Variants in SPMIP2 observed in about 807,000 individuals in gnomAD.
SPMIP2 encodes the protein sperm microtubule inner protein 2, also known as protein SPMIP2.
At chr4:159,002,618 A>G in the SPMIP2 span, among the ~76,000 whole-genome samples, 149,661 of 152,312 alleles carry the variant, frequency 0.98, 73,575 homozygotes, top group East Asian at 1. Flanking sequence ...TCCATGACCC[A>G]TTTCAAGTCC....
the SPMIP2 span, among the ~76,000 whole-genome samples, chr4:158,913,944 CAAATA>C: frequency 6.6e-6 from 1 of 151,778 alleles, no homozygotes; most frequent in Non-Finnish European, 1.5e-5. Flanking sequence ...AACATAAAAG[CAAATA>C]AAATTAACAA....
the SPMIP2 span, among the ~76,000 whole-genome samples, chr4:158,972,613 A>T: frequency 1.3e-5 from 2 of 152,202 alleles, no homozygotes; most frequent in African/African-American, 2.4e-5. Flanking sequence ...AGGTTTCTAA[A>T]ACCCTCTGAC....
chr4:158,998,633 G>C, the SPMIP2 span, among the ~76,000 whole-genome samples: 1 of 152,026 alleles, frequency 6.6e-6, no homozygotes, highest in Non-Finnish European at 1.5e-5. Context: ...AGATTTGCCA[G>C]CACAATAAAA....
At chr4:159,017,192 TG>T in the SPMIP2 span, among the ~76,000 whole-genome samples, 4 of 152,094 alleles carry the variant, frequency 2.6e-5, no homozygotes, top group African/African-American at 9.7e-5. Context: ...GCAAAAACAG[TG>T]TACAATGATA....
At chr4:158,981,220 C>CTA in the SPMIP2 span, among the ~76,000 whole-genome samples, 1 of 152,156 alleles carries the variant, frequency 6.6e-6, no homozygotes. Flanking sequence ...AAGACCAAAC[C>CTA]TATGTTTGCT....
At chr4:158,910,458 A>C in the SPMIP2 span, among the ~76,000 whole-genome samples, 4 of 151,864 alleles carry the variant, frequency 2.6e-5, no homozygotes, top group Non-Finnish European at 4.4e-5. Context: ...TTTTTAGTAG[A>C]GACGGGGTTT....
the SPMIP2 span, chr4:158,937,606 A>T: frequency 3.3e-4 from 51 of 154,538 alleles, no homozygotes; most frequent in African/African-American, 1.2e-3. Flanking sequence ...AATTTGAGGC[A>T]CTTAGCAGCC....
At chr4:159,013,120 C>T in the SPMIP2 span, among the ~76,000 whole-genome samples, 2 of 152,046 alleles carry the variant, frequency 1.3e-5, no homozygotes, top group Non-Finnish European at 2.9e-5. Context: ...AAATGGGAAC[C>T]CTGTATGTTG....
the SPMIP2 span, among the ~76,000 whole-genome samples, chr4:159,011,404 A>G: frequency 1.3e-5 from 2 of 152,226 alleles, no homozygotes; most frequent in Admixed American, 1.3e-4. Flanking sequence ...ACTGAAAACA[A>G]CTATTACAAC....
chr4:158,912,056 T>C, the SPMIP2 span, among the ~76,000 whole-genome samples: 2 of 151,536 alleles, frequency 1.3e-5, no homozygotes, highest in African/African-American at 4.9e-5. Context: ...AAATAATGAA[T>C]GTATTATTGT....
At chr4:158,931,270 G>GAA in the SPMIP2 span, among the ~76,000 whole-genome samples, 2 of 151,860 alleles carry the variant, frequency 1.3e-5, no homozygotes, top group Non-Finnish European at 2.9e-5. Context: ...TTTATTTTTA[G>GAA]ATGTGGTCTC....
the SPMIP2 span, among the ~76,000 whole-genome samples, chr4:158,978,682 G>A: frequency 3.4e-4 from 52 of 152,150 alleles, no homozygotes; most frequent in African/African-American, 1.2e-3. Flanking sequence ...GCCCTTCTTT[G>A]TCTTTTTTGA....
the SPMIP2 span, among the ~76,000 whole-genome samples, chr4:158,911,221 G>A: frequency 1.3e-5 from 2 of 152,108 alleles, no homozygotes; most frequent in African/African-American, 4.8e-5. Context: ...TCATTCCAGT[G>A]CCTGTAATCC....
the SPMIP2 span, among the ~76,000 whole-genome samples, chr4:158,896,564 A>C: frequency 1.3e-5 from 2 of 152,264 alleles, no homozygotes; most frequent in South Asian, 2.1e-4. Context: ...AATATTTATA[A>C]TGTCGACGTT....
the SPMIP2 span, among the ~76,000 whole-genome samples, chr4:159,050,378 G>A: frequency 6.7e-6 from 1 of 149,758 alleles, no homozygotes; most frequent in African/African-American, 2.5e-5. Flanking sequence ...ATGATAGTGT[G>A]AGTATAATAT....
the SPMIP2 span, among the ~76,000 whole-genome samples, chr4:159,080,133 C>G: frequency 6.6e-6 from 1 of 152,130 alleles, no homozygotes; most frequent in Admixed American, 6.5e-5. Flanking sequence ...ACTGTACAGA[C>G]TTTTTCTCTC....
the SPMIP2 span, among the ~76,000 whole-genome samples, chr4:158,961,403 T>C: frequency 0.054 from 8,262 of 152,190 alleles, 748 homozygotes; most frequent in African/African-American, 0.19. Flanking sequence ...CTCTTCAATG[T>C]TCACACATAA....
the SPMIP2 span, among the ~76,000 whole-genome samples, chr4:159,000,459 A>G: frequency 1.3e-5 from 2 of 150,580 alleles, no homozygotes; most frequent in Non-Finnish European, 3.0e-5. Flanking sequence ...CGAATCATAC[A>G]GTATGCACTC....
chr4:159,043,002 C>T, the SPMIP2 span, among the ~76,000 whole-genome samples: 1 of 152,100 alleles, frequency 6.6e-6, no homozygotes, highest in Non-Finnish European at 1.5e-5. Context: ...ACTCTGACCC[C>T]CAGGTCTTCT....
Sources: gnomAD v4.1 joint callset for allele counts (sites outside exome capture counted in the v4.1 genomes callset) on GRCh38, gnomAD v4.1.1 for gene constraint, MANE v1.5 for transcripts, NCBI Gene and HGNC (gene_info 2026-07-23, HGNC 2026-07-21) for gene names.